PABPN1: variants seen among roughly 807,000 people sequenced by gnomAD.
PABPN1 encodes poly(A) binding protein nuclear 1.
Under a neutral mutation model 33.4 loss-of-function variants are expected in PABPN1, and 5 were observed. The observed-to-expected ratio is 0.15, with a 90% confidence interval of 0.08 to 0.32. The LOEUF is 0.32. Among genes scored for constraint, PABPN1 ranks in the 10% least tolerant of loss-of-function variants. PABPN1 has a pLI of 1.00. For synonymous variants in PABPN1, 176 were observed against 170.6 expected (o/e 1.03, Z -0.25); for missense variants, 312 against 425.8 (o/e 0.73, Z 2.35).
In PABPN1 at chr14:23,325,736, C is replaced by G. The variant is rs755065610; in HGVS notation, c.*450C>G. 2 of 161,292 alleles carry G rather than the reference C, an allele frequency of 1.2e-5. No homozygotes were observed. The highest frequency in any genetic ancestry group is 2.4e-5 in the African/African-American group (1 of 41,552). 10.0% of individuals were successfully genotyped at this position (161,292 alleles called of 1,614,324 possible). A position where few individuals can be genotyped will look rare whatever the true frequency, so the allele number is the denominator to read the frequency against. ...TTTCACAGTCCCCTCCTGCCTGCTC[C>G]TGTCCAGCCAGGTCTACCACCCACC... On this transcript the variant is annotated 3_prime_UTR_variant, in exon 7 of 7. Transcript: ENST00000216727.
chr14:23,322,938 CAT>C lies in PABPN1; in HGVS notation c.467-58_467-57del, dbSNP rs1888429792. On this transcript the variant is annotated intron_variant, in intron 2 of 6. Transcript: ENST00000216727. The stretch of plus-strand genomic sequence containing the variant: ...GATAGTGCTGGTGGTGGAAGTGCAA[CAT>C]ATTGGTCAAGTAGAAAACAAGTGTG... 9.9e-6 allele frequency: 16 copies of C among 1,609,644 alleles called. No homozygotes were observed. The South Asian group carries it at 1.8e-4, about 18-fold the overall frequency.
At chr14:23,325,083 A>G in intron 6 of PABPN1, 164 bp from the exon 7 acceptor site, 2 of 891,928 alleles carry the variant, frequency 2.2e-6, no homozygotes, top group Non-Finnish European at 3.3e-6. Flanking sequence ...CCAGTTCTCC[A>G]GGTGCGTTAC....
rs1888752452 is a variant in PABPN1 at position 23,326,152 on chromosome 14, T to C, written c.*866T>C. The C allele has an allele frequency of 6.6e-6, 1 of 152,614 alleles. No individual in the cohort carries two copies. The highest frequency in any genetic ancestry group is 2.4e-5 in the African/African-American group (1 of 41,432). 9.5% of individuals were successfully genotyped at this position (152,614 alleles called of 1,614,324 possible). A position where few individuals can be genotyped will look rare whatever the true frequency, so the allele number is the denominator to read the frequency against. On this transcript the variant is annotated 3_prime_UTR_variant, in exon 7 of 7. Coordinates refer to ENST00000216727, the MANE Select transcript of PABPN1 (RefSeq NM_004643.4). Reference sequence around the variant, plus strand: ...TATGTGTCATGAATAAAGTTGTTTTTGAAAATAAAAATTGTTTGGCCTTTT... The same window carrying C: ...TATGTGTCATGAATAAAGTTGTTTTCGAAAATAAAAATTGTTTGGCCTTTT...
chr14:23,325,583 C>T lies in PABPN1; in HGVS notation c.*297C>T. The T allele has an allele frequency of 5.1e-6, 2 of 392,642 alleles. No individual in the cohort carries two copies. Among genetic ancestry groups the T allele is most frequent in the Non-Finnish European group, 9.2e-6 (2 of 217,268 alleles). The allele number at this position is 392,642 out of a possible 1,614,324, so 24.3% of individuals were successfully genotyped here. On this transcript the variant is annotated 3_prime_UTR_variant, in exon 7 of 7. Coordinates refer to ENST00000216727, the MANE Select transcript of PABPN1 (RefSeq NM_004643.4). Reference sequence around the variant, plus strand: ...CTGCTGCCCATGTTTCCCTGCCCCACTTCACCCCCTTGGGGGCTGCTCAAG... The same window carrying T: ...CTGCTGCCCATGTTTCCCTGCCCCATTTCACCCCCTTGGGGGCTGCTCAAG...
chr14:23,324,623 G>T (rs990476137), intron 6 of PABPN1: 13 of 507,550 alleles, frequency 2.6e-5, no homozygotes, highest in Non-Finnish European at 1.1e-5. Flanking sequence ...GGCAGTGAAA[G>T]CACTGCTTGG....
chr14:23,321,871 C>G, intron 1 of PABPN1, 51 bp downstream of exon 1: 3 of 1,162,342 alleles, frequency 2.6e-6, no homozygotes, highest in Non-Finnish European at 3.4e-6. Flanking sequence ...GGCCGGGTCA[C>G]TGGAGGCCCA....
At position 23,325,142 on chromosome 14, in the gene PABPN1, TC is replaced by T. The variant is rs796614922; in HGVS notation, c.882-99del. ...TTTTAGGACACTTGAACACTTCTTT[TC>T]CCCCCTTCCCTTCACAGTAACTGGG... On this transcript the variant is annotated intron_variant, in intron 6 of 6. Coordinates refer to ENST00000216727, the MANE Select transcript of PABPN1 (RefSeq NM_004643.4). 2.0e-4 allele frequency: 307 copies of T among 1,509,258 alleles called. 1 individual carries two copies. Among genetic ancestry groups the T allele is most frequent in the East Asian group, 5.2e-4 (23 of 44,180 alleles). 93.5% of individuals were successfully genotyped at this position (1,509,258 alleles called of 1,614,324 possible). A position where few individuals can be genotyped will look rare whatever the true frequency, so the allele number is the denominator to read the frequency against.
At chr14:23,322,037 G>A (rs1370548827) in intron 1 of PABPN1, 144 bp from the exon 2 acceptor site, 1 of 932,756 alleles carries the variant, frequency 1.1e-6, no homozygotes, top group Non-Finnish European at 1.7e-6. Context: ...TCTAGAGAGG[G>A]TAGCTTTTCT....
At chr14:23,322,862 TACAGCAGGGA>T in intron 2 of PABPN1, 127 bp from the exon 3 acceptor site, 1 of 1,047,486 alleles carries the variant, frequency 9.5e-7, no homozygotes, top group Non-Finnish European at 1.5e-6. Flanking sequence ...CGGTTGTGGG[TACAGCAGGGA>T]ACAGCACAGA....
At chr14:23,324,401 G>T in intron 6 of PABPN1, 112 bp downstream of exon 6, 1 of 1,463,642 alleles carries the variant, frequency 6.8e-7, no homozygotes. Context: ...TGGTCTTCAG[G>T]AACTTTGTCT....
At chr14:23,321,873 G>A in intron 1 of PABPN1, 53 bp downstream of exon 1, 1 of 1,318,576 alleles carries the variant, frequency 7.6e-7, no homozygotes. Flanking sequence ...CCGGGTCACT[G>A]GAGGCCCAGA....
chr14:23,325,995 GTTTTTTTTTT>G lies in PABPN1; in HGVS notation c.*714_*723del, dbSNP rs58264930. The G allele has an allele frequency of 1.4e-5, 2 of 141,676 alleles. No homozygotes were observed. The highest frequency in any genetic ancestry group is 3.1e-5 in the Non-Finnish European group (2 of 65,300). 8.8% of individuals were successfully genotyped at this position (141,676 alleles called of 1,614,324 possible). A position where few individuals can be genotyped will look rare whatever the true frequency, so the allele number is the denominator to read the frequency against. On this transcript the variant is annotated 3_prime_UTR_variant, in exon 7 of 7. Transcript: ENST00000216727. ...TGTTTTTCAGTTGTTTTGTTTTTTT[GTTTTTTTTTT>G]TTTTCCTTTGCCTTTTTTCCCTTTT... is the stretch of plus-strand genomic sequence containing the variant.
rs373643337 is a variant in PABPN1, at chr14:23,324,031, A to G, written c.708A>G (p.Leu236=). Residue 236 remains leucine, a synonymous_variant, in exon 5 of 7, where the codon CTA becomes CTG. Transcript: ENST00000216727. ...VRTSLALDES[L]FRGRQIKVIP... ...CTTCCTTGGCCTTAGATGAGTCCCT[A>G]TTTAGAGGAAGGCAAATCAAGGTAA... 23 of 1,614,012 alleles carry G rather than the reference A, an allele frequency of 1.4e-5. No homozygotes were observed. The highest frequency in any genetic ancestry group is 1.9e-5 in the Non-Finnish European group (22 of 1,180,002).
chr14:23,321,559 G>C lies in PABPN1; in HGVS notation c.90G>C (p.Gly30=). 7.1e-7 allele frequency: 1 copy of C among 1,415,284 alleles called. No homozygotes were observed. Among genetic ancestry groups the C allele is most frequent in the East Asian group, 3.0e-5 (1 of 33,044 alleles). The allele number at this position is 1,415,284 out of a possible 1,614,324, so 87.7% of individuals were successfully genotyped here. ...GPGRRRHLVP[G]AGGEAGEGAP... The stretch of plus-strand genomic sequence containing the variant: ...GGCGGCGGCGCCATCTTGTGCCCGG[G>C]GCCGGTGGGGAGGCCGGGGAGGGGG... Residue 30 remains glycine (G), a synonymous_variant, in exon 1 of 7, where the codon GGG becomes GGC. Coordinates refer to ENST00000216727, the MANE Select transcript of PABPN1 (RefSeq NM_004643.4).
intron 2 of PABPN1, 128 bp from the exon 3 acceptor site, chr14:23,322,871 G>A (rs1048283321): frequency 8.2e-7 from 1 of 1,220,342 alleles, no homozygotes; most frequent in Non-Finnish European, 1.2e-6. Flanking sequence ...GTACAGCAGG[G>A]AACAGCACAG....
intron 6 of PABPN1, 118 bp from the exon 7 acceptor site, chr14:23,325,129 T>TG: frequency 6.9e-7 from 1 of 1,449,236 alleles, no homozygotes; most frequent in East Asian, 2.3e-5. Flanking sequence ...TTAGGACACT[T>TG]GAACACTTCT....
Position 23,325,432 on chromosome 14 carries a change from G to A in PABPN1, c.*146G>A. The A allele has an allele frequency of 2.7e-6, 3 of 1,125,930 alleles. 1 individual carries two copies. Among genetic ancestry groups the A allele is most frequent in the African/African-American group, 3.1e-5 (2 of 63,512 alleles). 69.7% of individuals were successfully genotyped at this position (1,125,930 alleles called of 1,614,324 possible). On this transcript the variant is annotated 3_prime_UTR_variant, in exon 7 of 7. Transcript: ENST00000216727. Reference sequence around the variant, plus strand: ...AAAAAAGATATACTGTGGAAGGGGGGAGAATCCCATAACTAACTGCTGAGG... The same window carrying A: ...AAAAAAGATATACTGTGGAAGGGGGAAGAATCCCATAACTAACTGCTGAGG...
intron 3 of PABPN1, 79 bp from the exon 4 acceptor site, chr14:23,323,298 C>T: frequency 6.8e-7 from 1 of 1,469,428 alleles, no homozygotes; most frequent in Non-Finnish European, 9.5e-7. Flanking sequence ...TGTATGATGG[C>T]CCAGACCAAA....
chr14:23,324,535 C>A (rs1176984126), intron 6 of PABPN1: 1 of 601,192 alleles, frequency 1.7e-6, no homozygotes, highest in African/African-American at 1.9e-5. Flanking sequence ...GAGGCTTCCA[C>A]CCCCAGCCTT....
Sources: gnomAD v4.1 joint callset for allele counts on GRCh38, gnomAD v4.1.1 for gene constraint, MANE v1.5 for transcripts, NCBI Gene and HGNC (gene_info 2026-07-23, HGNC 2026-07-21) for gene names.